Variants in CROCC observed in about 807,000 individuals in gnomAD.
CROCC encodes the protein rootletin.
CROCC carries 180 observed loss-of-function variants against 245.2 expected under a neutral mutation model. That is an observed-to-expected ratio of 0.73 (90% CI 0.65 to 0.83). CROCC has a LOEUF of 0.83. CROCC is among the 40% of genes least tolerant of loss of function. The probability of loss-of-function intolerance (pLI) is 0.00; values close to 1 mark genes in which losing one functional copy is unlikely to be tolerated. For synonymous variants in CROCC, 1,205 were observed against 1,241.6 expected, an observed-to-expected ratio of 0.97 and a Z score of 0.62; for missense variants, 2,688 against 2,779.4, an observed-to-expected ratio of 0.97 and a Z score of 0.74.
chr1:16,925,134 G>A (rs767113719), intron 3 of CROCC, among the ~76,000 whole-genome samples: 7 of 152,282 alleles, frequency 4.6e-5, no homozygotes, highest in East Asian at 1.9e-4. Flanking sequence ...TTGGGCCTCC[G>A]GGTGGCCGGG....
chr1:16,942,129 G>T (rs955059234), intron 13 of CROCC, among the ~76,000 whole-genome samples: 4 of 152,192 alleles, frequency 2.6e-5, no homozygotes, highest in African/African-American at 4.8e-5. Context: ...TTCCATCTCA[G>T]CCTCCTGAGT....
intron 13 of CROCC, among the ~76,000 whole-genome samples, chr1:16,943,576 T>C (rs1317102587): frequency 1.3e-5 from 2 of 152,284 alleles, no homozygotes; most frequent in African/African-American, 4.8e-5. Context: ...TGTGAAGTTT[T>C]TTCGCACCTA....
intron 19 of CROCC, among the ~76,000 whole-genome samples, chr1:16,950,325 G>C (rs1469738615): frequency 6.8e-6 from 1 of 147,170 alleles, no homozygotes; most frequent in Admixed American, 6.8e-5. Flanking sequence ...CAGCCTCCCA[G>C]AGTGCTGGAT....
chr1:16,936,204 G>T (rs1389571097), intron 8 of CROCC, among the ~76,000 whole-genome samples: 4 of 152,206 alleles, frequency 2.6e-5, no homozygotes, highest in South Asian at 2.1e-4. Flanking sequence ...TCCTGCCTCA[G>T]CTTCCCGCAT....
chr1:16,938,141 TCTGTGTGGGGC>T (rs35744771), intron 10 of CROCC, among the ~76,000 whole-genome samples: 20,407 of 148,538 alleles, frequency 0.14, 865 homozygotes, highest in South Asian at 0.2. Context: ...TGGTCACCCC[TCTGTGTGGGGC>T]CTGGCCTGGG....
chr1:16,937,219 G>A (rs1004523259), intron 9 of CROCC, among the ~76,000 whole-genome samples: 3 of 152,268 alleles, frequency 2.0e-5, no homozygotes, highest in Admixed American at 1.3e-4. Context: ...TGGGCGTGGT[G>A]GCGCGTGCCT....
In CROCC at chr1:16,946,956, C is replaced by A; in HGVS notation, c.2479C>A (p.His827Asn). 1 of 1,556,676 alleles carries A rather than the reference C, an allele frequency of 6.4e-7. No individual in the cohort carries two copies. The highest frequency in any genetic ancestry group is 8.7e-7 in the Non-Finnish European group (1 of 1,150,936). Residue 827 changes from histidine (H) to asparagine (N), a missense_variant, in exon 17 of 37, where the codon CAT becomes AAT. His to Asn is a moderately conservative substitution (Grantham distance 68). Transcript: ENST00000375541. ...ALEQQLPTLR[H>N]ERSQLQEQLA... ...GGAGCAGCAGCTCCCCACGCTGCGCCATGAGCGCAGCCAGCTGCAGGAGCA... is the reference window on the plus strand; with the variant it reads ...GGAGCAGCAGCTCCCCACGCTGCGCAATGAGCGCAGCCAGCTGCAGGAGCA...
Position 16,929,986 on chromosome 1 carries a change from G to T in CROCC, c.492G>T (p.Glu164Asp). The change falls in exon 4 of 37, where the codon GAG becomes GAT. Residue 164 changes from glutamate (E) to aspartate (D), a missense_variant. Physicochemically the swap from Glu to Asp is conservative, Grantham distance 45 (BLOSUM62 2). This residue lies in a region of CROCC where 972 missense variants were observed against 895.3 expected (regional missense o/e 1.09). Transcript: ENST00000375541. ...GGCGCAAGCTGCAGGCCTACCAGGA[G>T]GGCCAGCAGCGGCAGGCCCAGCTTG... ...SYRRKLQAYQ[E>D]GQQRQAQLVQ... 6.3e-7 allele frequency: 1 copy of T among 1,588,120 alleles called. No homozygotes were observed. Among genetic ancestry groups the T allele is most frequent in the Non-Finnish European group, 8.5e-7 (1 of 1,170,642 alleles).
intron 8 of CROCC, 75 bp from the exon 9 acceptor site, chr1:16,936,562 C>A: frequency 7.1e-7 from 1 of 1,413,858 alleles, no homozygotes; most frequent in Non-Finnish European, 9.5e-7. Context: ...AGCCACCACG[C>A]CCTGCCCAAG....
At chr1:16,914,122 GCGAAGGCGC>G (rs1434370864) in intron 1 of CROCC, among the ~76,000 whole-genome samples, 2 of 151,190 alleles carry the variant, frequency 1.3e-5, no homozygotes, top group Non-Finnish European at 3.0e-5. Context: ...AGCGGCTGCG[GCGAAGGCGC>G]GCGAAGGTAG....
At chr1:16,944,404 C>T (rs6663017) in intron 14 of CROCC, 122 bp downstream of exon 14, 38,349 of 1,079,460 alleles carry the variant, frequency 0.036, 2 homozygotes, top group African/African-American at 0.076. Flanking sequence ...TGGACCCCTC[C>T]GATGTCGGGT....
At position 16,954,946 on chromosome 1, in the gene CROCC, C is replaced by G; in HGVS notation, c.3465+69C>G. The stretch of plus-strand genomic sequence containing the variant: ...CACTGTGTGCCTGGGGGCCTAGTTC[C>G]CCAGGGCCCCAGAAGAGTGTAAGAT... On this transcript the variant is annotated intron_variant, in intron 23 of 36. Transcript: ENST00000375541. The surrounding 1 kb of genome is among the most constrained non-coding windows in gnomAD (Gnocchi z 4.4). 1 of 1,438,434 alleles carries G rather than the reference C, an allele frequency of 7.0e-7. No individual in the cohort carries two copies. The highest frequency in any genetic ancestry group is 9.2e-7 in the Non-Finnish European group (1 of 1,086,584). The allele number at this position is 1,438,434 out of a possible 1,614,324, so 89.1% of individuals were successfully genotyped here.
rs1476932282 is a variant in CROCC, at chr1:16,971,225, G to A, written c.5785-240G>A. 3.3e-5 allele frequency among the ~76,000 whole-genome samples: 5 copies of A among 151,194 alleles called. No individual in the cohort carries two copies. The East Asian group carries it at 1.0e-3, about 31-fold the overall frequency. The stretch of plus-strand genomic sequence containing the variant: ...ATGATGTCTGAGTGTGTGTGTGTGT[G>A]TGTGTGTGTGTGTGTGTGTGTGTGT... On this transcript the variant is annotated intron_variant, in intron 35 of 36. Transcript: ENST00000375541.
chr1:16,963,402 G>T (rs562468203), intron 27 of CROCC, among the ~76,000 whole-genome samples: 2 of 151,926 alleles, frequency 1.3e-5, no homozygotes, highest in African/African-American at 4.8e-5. Flanking sequence ...AAGCAGGGGG[G>T]TGAGATTTGG....
At position 16,933,467 on chromosome 1, in the gene CROCC, G is replaced by GA. The variant is rs554919180; in HGVS notation, c.956+2079dup. 3.2e-4 allele frequency among the ~76,000 whole-genome samples: 48 copies of GA among 151,634 alleles called. No homozygotes were observed. In the South Asian group the frequency reaches 9.6e-3, roughly 30 times the overall value. On this transcript the variant is annotated intron_variant, in intron 8 of 36. Coordinates refer to ENST00000375541, the MANE Select transcript of CROCC (RefSeq NM_014675.5). ...GGGTGACAGAGTGAAACTCTGTCTC[G>GA]AAAAAAAAAGTCACAGATAGTCTTG... is the stretch of plus-strand genomic sequence containing the variant.
chr1:16,953,448 G>C lies in CROCC; in HGVS notation c.3153G>C (p.Glu1051Asp). ...CTGCCCTGCAGCAGGAGCGCGACGA[G>C]GGCCTCCTCCTAGCAGAGAGTGAGA... ...EIAALQQERD[E>D]GLLLAESEKQ... is the part of the protein sequence containing the mutation. Residue 1051 changes from glutamate to aspartate, a missense_variant, in exon 21 of 37, where the codon GAG becomes GAC. By Grantham distance (45) the Glu-to-Asp change is conservative. This residue lies in a region of CROCC where 106 missense variants were observed against 126.1 expected (regional missense o/e 0.84). Coordinates refer to ENST00000375541, the MANE Select transcript of CROCC (RefSeq NM_014675.5). The C allele has an allele frequency of 6.2e-7, 1 of 1,609,526 alleles. No homozygotes were observed.
chr1:16,931,157 C>G (rs1260722960), intron 7 of CROCC, 134 bp from the exon 8 acceptor site: 6 of 740,212 alleles, frequency 8.1e-6, no homozygotes, highest in South Asian at 1.6e-5. Flanking sequence ...CAACACAGCT[C>G]TGTGCACAGA....
At chr1:16,943,025 C>T (rs1369659991) in intron 13 of CROCC, among the ~76,000 whole-genome samples, 1 of 151,258 alleles carries the variant, frequency 6.6e-6, no homozygotes, top group Non-Finnish European at 1.5e-5. Context: ...GGAGGACCAC[C>T]TGAGGTCGGG....
chr1:16,935,942 CA>C (rs2075778182), intron 8 of CROCC, among the ~76,000 whole-genome samples: 1 of 152,270 alleles, frequency 6.6e-6, no homozygotes, highest in Admixed American at 6.5e-5. Flanking sequence ...AGGTCCTATG[CA>C]TGCATAGTTT....
Sources: allele counts gnomAD v4.1 joint callset (sites outside exome capture counted in the v4.1 genomes callset), GRCh38; gene constraint gnomAD v4.1.1; regional missense constraint gnomAD v4.1.1; non-coding constraint Gnocchi (gnomAD v3.1); transcripts MANE v1.5; gene names NCBI Gene and HGNC (gene_info 2026-07-23, HGNC 2026-07-21).